KIF6: variants seen among roughly 807,000 people sequenced by gnomAD.
KIF6 encodes kinesin-like protein KIF6.
In KIF6, 106 loss-of-function variants were observed where a neutral mutation model predicts 112.7. The observed-to-expected ratio is 0.94, with a 90% CI of 0.80 to 1.11. The LOEUF is 1.11. Among genes scored for constraint, KIF6 ranks in the 50% least tolerant of loss-of-function variants. The probability of loss-of-function intolerance (pLI) is 0.00; values close to 1 mark genes in which losing one functional copy is unlikely to be tolerated. For missense variants in KIF6, 929 were observed against 964.0 expected, an observed-to-expected ratio of 0.96 and a Z score of 0.48; for synonymous variants, 339 against 339.9, an observed-to-expected ratio of 1.00 and a Z score of 0.03.
At chr6:39,716,194 A>G (rs182185722) in intron 2 of KIF6, among the ~76,000 whole-genome samples, 2 of 152,384 alleles carry the variant, frequency 1.3e-5, no homozygotes, top group Non-Finnish European at 2.9e-5. Flanking sequence ...AATTAATGAT[A>G]GCATTTTCAT....
intron 10 of KIF6, among the ~76,000 whole-genome samples, chr6:39,575,302 A>T (rs990527289): frequency 6.8e-6 from 1 of 147,362 alleles, no homozygotes; most frequent in Non-Finnish European, 1.5e-5. Flanking sequence ...ATGGAGTCTC[A>T]CTCTGTTGCC....
chr6:39,633,714 C>T (rs929200429), intron 5 of KIF6, among the ~76,000 whole-genome samples: 2 of 152,186 alleles, frequency 1.3e-5, no homozygotes, highest in Non-Finnish European at 2.9e-5. Context: ...CAATGCTGGT[C>T]AGATTGTCTC....
chr6:39,398,544 C>A (rs1265319397), intron 15 of KIF6, among the ~76,000 whole-genome samples: 1 of 152,098 alleles, frequency 6.6e-6, no homozygotes, highest in Non-Finnish European at 1.5e-5. Flanking sequence ...CTGTTGGAGA[C>A]AAGCTAATCA....
chr6:39,496,845 A>C (rs1425096619), intron 13 of KIF6, among the ~76,000 whole-genome samples: 2 of 152,244 alleles, frequency 1.3e-5, no homozygotes, highest in African/African-American at 4.8e-5. Context: ...GACCCTTCAC[A>C]AAATTAACAA....
intron 5 of KIF6, among the ~76,000 whole-genome samples, chr6:39,623,448 T>C (rs1783932112): frequency 6.6e-6 from 1 of 152,216 alleles, no homozygotes; most frequent in African/African-American, 2.4e-5. Context: ...AAGTCTTCTT[T>C]TACTTTCACA....
At chr6:39,607,617 A>G (rs1016627991) in intron 6 of KIF6, among the ~76,000 whole-genome samples, 1 of 151,612 alleles carries the variant, frequency 6.6e-6, no homozygotes, top group South Asian at 2.1e-4. Context: ...TTTGAGGTGG[A>G]GTCGCACTAT....
chr6:39,447,495 T>C (rs1439457138), intron 13 of KIF6, among the ~76,000 whole-genome samples: 2 of 152,160 alleles, frequency 1.3e-5, no homozygotes, highest in Non-Finnish European at 1.5e-5. Context: ...TATAGTTAAA[T>C]GTAGCTATAT....
At chr6:39,486,900 T>C (rs1427660902) in intron 13 of KIF6, among the ~76,000 whole-genome samples, 2 of 152,220 alleles carry the variant, frequency 1.3e-5, no homozygotes, top group African/African-American at 4.8e-5. Flanking sequence ...AATGAAAATC[T>C]ATATCTGCAT....
intron 7 of KIF6, 131 bp downstream of exon 7, chr6:39,595,923 T>C: frequency 1.5e-6 from 1 of 681,956 alleles, no homozygotes; most frequent in Non-Finnish European, 2.4e-6. Context: ...TAAAAATGAT[T>C]AAAATGGCAA....
At chr6:39,346,944 C>T (rs192895911) in intron 19 of KIF6, among the ~76,000 whole-genome samples, 9 of 152,274 alleles carry the variant, frequency 5.9e-5, no homozygotes, top group Admixed American at 2.0e-4. Context: ...CCACTGTGCC[C>T]GGCCTACACA....
chr6:39,553,509 ATTC>A (rs1582119980), intron 10 of KIF6, among the ~76,000 whole-genome samples: 1 of 152,208 alleles, frequency 6.6e-6, no homozygotes, highest in East Asian at 1.9e-4. Flanking sequence ...GCATGTATGC[ATTC>A]ATGGCCAGGT....
intron 13 of KIF6, among the ~76,000 whole-genome samples, chr6:39,526,279 T>C (rs913861905): frequency 7.9e-5 from 12 of 152,250 alleles, no homozygotes; most frequent in African/African-American, 2.9e-4. Context: ...TTGAATCCTC[T>C]ACAAACTTAG....
intron 3 of KIF6, among the ~76,000 whole-genome samples, chr6:39,679,439 G>T (rs1428044847): frequency 6.6e-6 from 1 of 152,018 alleles, no homozygotes; most frequent in African/African-American, 2.4e-5. Flanking sequence ...GTTAACAGAG[G>T]AGTCATCTGT....
At chr6:39,583,058 T>A in intron 9 of KIF6, 1 of 227,874 alleles carries the variant, frequency 4.4e-6, no homozygotes, top group South Asian at 6.5e-5. Context: ...CACAGACCTA[T>A]ATCAAACACA....
intron 13 of KIF6, among the ~76,000 whole-genome samples, chr6:39,511,983 T>C (rs1562276805): frequency 6.6e-6 from 1 of 152,110 alleles, no homozygotes; most frequent in Non-Finnish European, 1.5e-5. Context: ...TTAGGAGAAA[T>C]ACCTAATGTA....
intron 15 of KIF6, among the ~76,000 whole-genome samples, chr6:39,394,459 G>A (rs1180248152): frequency 6.6e-6 from 1 of 152,120 alleles, no homozygotes; most frequent in Non-Finnish European, 1.5e-5. Flanking sequence ...TTTCAGCATC[G>A]GATTATTTGG....
In KIF6 at chr6:39,639,705, C is replaced by T. The variant is rs567607290; in HGVS notation, c.304G>A (p.Gly102Arg). The change falls in exon 4 of 23, where the codon GGG (glycine) becomes AGG (arginine). Residue 102 changes from glycine (G) to arginine (R), a missense_variant. Gly to Arg is a moderately radical substitution (Grantham distance 125, BLOSUM62 -2). Around this residue, in one of 2 missense-constraint regions of KIF6, gnomAD observed 688 missense variants for 662.7 expected, o/e 1.04. Coordinates refer to ENST00000287152, the MANE Select transcript of KIF6 (RefSeq NM_145027.6). ...CCCCCTGTGATAGTGAATGTCTTCC[C>T]GCTGCCTGTTTGCCCATATGCAAAG... ...TIFAYGQTGS[G>R]KTFTITGGAE... is the part of the protein sequence containing the mutation. The T allele has an allele frequency of 1.6e-5, 26 of 1,612,430 alleles. No individual in the cohort carries two copies. Among genetic ancestry groups the T allele is most frequent in the South Asian group, 7.7e-5 (7 of 90,898 alleles).
intron 13 of KIF6, among the ~76,000 whole-genome samples, chr6:39,458,125 A>C (rs1773257425): frequency 6.7e-6 from 1 of 150,124 alleles, no homozygotes; most frequent in Admixed American, 6.6e-5. Context: ...ATCCTCAATA[A>C]AATACTGGCA....
chr6:39,349,420 G>A (rs1172887435), intron 19 of KIF6, among the ~76,000 whole-genome samples: 1 of 152,016 alleles, frequency 6.6e-6, no homozygotes, highest in Admixed American at 6.6e-5. Context: ...AAGGGAGTAT[G>A]ACAAAGGGAA....
Sources: allele counts gnomAD v4.1 joint callset (sites outside exome capture counted in the v4.1 genomes callset), GRCh38; gene constraint gnomAD v4.1.1; regional missense constraint gnomAD v4.1.1; transcripts MANE v1.5; gene names NCBI Gene and HGNC (gene_info 2026-07-23, HGNC 2026-07-21).